Variants in ANKRD42 observed in about 807,000 individuals in gnomAD.
ANKRD42 encodes ankyrin repeat domain-containing protein 42.
A neutral mutation model predicts 51.5 loss-of-function variants in ANKRD42; 43 were observed. The observed-to-expected ratio is 0.83, with a 90% confidence interval of 0.65 to 1.08. The LOEUF (loss-of-function observed/expected upper bound fraction) is 1.08, where lower values mean the gene tolerates loss of function less well. Among genes scored for constraint, ANKRD42 ranks in the 50% least tolerant of loss-of-function variants. The pLI is 0.00. For missense variants in ANKRD42, 608 were observed against 629.3 expected (o/e 0.97, Z 0.36); for synonymous variants, 203 against 213.0 (o/e 0.95, Z 0.41).
At chr11:83,230,054 G>C (rs1226832139) in intron 7 of ANKRD42, among the ~76,000 whole-genome samples, 1 of 152,046 alleles carries the variant, frequency 6.6e-6, no homozygotes, top group Non-Finnish European at 1.5e-5. Context: ...ATTGACTATA[G>C]TCACCCTGTT....
At chr11:83,213,143 A>G (rs1285161428) in intron 5 of ANKRD42, 5 of 1,601,722 alleles carry the variant, frequency 3.1e-6, no homozygotes, top group African/African-American at 1.3e-5. Context: ...CAGGGTTCGT[A>G]GAAGGTTCAA....
chr11:83,206,467 A>G (rs1239451170), intron 3 of ANKRD42, among the ~76,000 whole-genome samples: 1 of 152,174 alleles, frequency 6.6e-6, no homozygotes, highest in Non-Finnish European at 1.5e-5. Context: ...TGTCCTCCAA[A>G]ATAAATATGT....
intron 1 of ANKRD42, among the ~76,000 whole-genome samples, chr11:83,196,398 A>AGT (rs145815586): frequency 0.077 from 9,633 of 124,712 alleles, 326 homozygotes; most frequent in Non-Finnish European, 0.086. Flanking sequence ...AGTGTGTGAG[A>AGT]GTGTGTGTGT....
At chr11:83,207,730 A>C (rs1862131621) in intron 3 of ANKRD42, among the ~76,000 whole-genome samples, 1 of 152,260 alleles carries the variant, frequency 6.6e-6, no homozygotes, top group South Asian at 2.1e-4. Flanking sequence ...TTGCCTAAGC[A>C]AGTGACAGAG....
chr11:83,196,207 G>A (rs606381), intron 1 of ANKRD42, among the ~76,000 whole-genome samples: 45,796 of 152,048 alleles, frequency 0.3, 7,878 homozygotes, highest in East Asian at 0.57. Context: ...CCTGAATTTA[G>A]CCTTGTAAAC....
chr11:83,230,225 G>A (rs1329890451), intron 7 of ANKRD42, among the ~76,000 whole-genome samples: 7 of 152,080 alleles, frequency 4.6e-5, no homozygotes, highest in South Asian at 2.1e-4. Context: ...CTAATTTTTT[G>A]TATTGTTTGT....
At chr11:83,223,734 A>T (rs779803326) in intron 5 of ANKRD42, among the ~76,000 whole-genome samples, 4 of 152,138 alleles carry the variant, frequency 2.6e-5, no homozygotes, top group Non-Finnish European at 5.9e-5. Context: ...GGATAGATTG[A>T]TATGTGCCAG....
chr11:83,247,771 C>G (rs1863586032), intron 10 of ANKRD42, among the ~76,000 whole-genome samples, 172 bp from the exon 11 acceptor site: 1 of 152,092 alleles, frequency 6.6e-6, no homozygotes, highest in South Asian at 2.1e-4. Context: ...CCACTGTATC[C>G]CCAATACCTA....
At chr11:83,218,839 G>A (rs1186125817) in intron 5 of ANKRD42, among the ~76,000 whole-genome samples, 1 of 152,150 alleles carries the variant, frequency 6.6e-6, no homozygotes, top group East Asian at 1.9e-4. Context: ...GTCACGAAGG[G>A]CAAAGAAAGC....
At chr11:83,255,507 A>C (rs1863753647) in intron 11 of ANKRD42, among the ~76,000 whole-genome samples, 1 of 152,206 alleles carries the variant, frequency 6.6e-6, no homozygotes, top group Admixed American at 6.5e-5. Flanking sequence ...TATGTTGTTA[A>C]ATATTAGTGT....
At position 83,194,604 on chromosome 11, in the gene ANKRD42, A is replaced by G. The variant is rs1225965603; in HGVS notation, c.-67A>G. 1 of 1,526,434 alleles carries G rather than the reference A, an allele frequency of 6.6e-7. No individual in the cohort carries two copies. The highest frequency in any genetic ancestry group is 9.0e-7 in the Non-Finnish European group (1 of 1,109,380). 94.6% of individuals were successfully genotyped at this position (1,526,434 alleles called of 1,614,324 possible). A position where few individuals can be genotyped will look rare whatever the true frequency, so the allele number is the denominator to read the frequency against. ...GCTGCAGTGGCTCGTGGGTGAGAGC[A>G]AGTGAAGACCGCCGCAGCATCAGGG... On this transcript the variant is annotated 5_prime_UTR_variant, in exon 1 of 11. Transcript: ENST00000533342.
rs1861527653 is a variant in ANKRD42, at chr11:83,194,141, C to T, written c.-530C>T. 4.4e-6 allele frequency: 2 copies of T among 456,792 alleles called. No individual in the cohort carries two copies. Among genetic ancestry groups the T allele is most frequent in the Non-Finnish European group, 8.8e-6 (2 of 226,980 alleles). The allele number at this position is 456,792 out of a possible 1,614,324, so 28.3% of individuals were successfully genotyped here. A position where few individuals can be genotyped will look rare whatever the true frequency, so the allele number is the denominator to read the frequency against. ...TGGGAGAGAGTTAGGGGAGACAGCA[C>T]CTTCTGCAGCAGCGACGTGAATTTT... On this transcript the variant is annotated 5_prime_UTR_variant, in exon 1 of 11. Transcript: ENST00000533342.
chr11:83,223,311 G>A (rs560780535), intron 5 of ANKRD42, among the ~76,000 whole-genome samples: 87 of 152,296 alleles, frequency 5.7e-4, no homozygotes, highest in Middle Eastern at 3.4e-3. Context: ...TTGAGGGTGC[G>A]GTAGTGGCAT....
Position 83,209,072 on chromosome 11 carries a change from A to T in ANKRD42, c.331-1228A>T, listed in dbSNP as rs531306441. 5.3e-5 allele frequency among the ~76,000 whole-genome samples: 8 copies of T among 152,344 alleles called. No homozygotes were observed. In the South Asian group the frequency reaches 1.7e-3, roughly 32 times the overall value. On this transcript the variant is annotated intron_variant, in intron 3 of 10. Coordinates refer to ENST00000533342, the MANE Select transcript of ANKRD42 (RefSeq NM_001300975.2). ...TTAGAAACTTGATTTGGAGCTTAGA[A>T]CTAGTCACTTTAATAATTAATTATT...
intron 2 of ANKRD42, among the ~76,000 whole-genome samples, chr11:83,203,866 G>A (rs1157131121): frequency 6.6e-6 from 1 of 151,992 alleles, no homozygotes; most frequent in Non-Finnish European, 1.5e-5. Flanking sequence ...ATCTGCTATT[G>A]AGCTCCTAGT....
chr11:83,248,260 T>G lies in ANKRD42; in HGVS notation c.*56T>G. On this transcript the variant is annotated 3_prime_UTR_variant, in exon 11 of 11. Transcript: ENST00000533342. Reference sequence around the variant, plus strand: ...TCAACTATAAACTGGAGATGATAACTTATACTTTCTAGAGCTGATGACAGG... The same window carrying G: ...TCAACTATAAACTGGAGATGATAACGTATACTTTCTAGAGCTGATGACAGG... The G allele has an allele frequency of 6.9e-7, 1 of 1,443,140 alleles. No individual in the cohort carries two copies. Among genetic ancestry groups the G allele is most frequent in the Non-Finnish European group, 9.1e-7 (1 of 1,104,054 alleles). 89.4% of individuals were successfully genotyped at this position (1,443,140 alleles called of 1,614,324 possible).
intron 5 of ANKRD42, among the ~76,000 whole-genome samples, chr11:83,221,103 G>A (rs1862706146): frequency 2.0e-5 from 3 of 151,322 alleles, no homozygotes; most frequent in Admixed American, 2.0e-4. Flanking sequence ...CCTATGACTG[G>A]GTATTTTCAA....
rs1209096312 is a variant in ANKRD42, at chr11:83,226,685, A to G, written c.788-1062A>G. On this transcript the variant is annotated intron_variant, in intron 6 of 10. Transcript: ENST00000533342. The stretch of plus-strand genomic sequence containing the variant: ...CAGCAAGAGTAGGGCATGATGGTGC[A>G]TCCCTGTAATCCTAGCTACCCGGGA... Among the ~76,000 whole-genome samples the G allele has an allele frequency of 4.6e-5, 7 of 152,280 alleles. No individual in the cohort carries two copies. The East Asian group carries it at 1.4e-3, about 29-fold the overall frequency.
At chr11:83,255,871 C>G in exon 12 of ANKRD42, 3 of 1,532,728 alleles carry the variant, frequency 2.0e-6, no homozygotes, top group South Asian at 1.2e-5. Context: ...GTGAGTCAAA[C>G]AAAGAGAAGA....
Sources: allele counts gnomAD v4.1 joint callset (sites outside exome capture counted in the v4.1 genomes callset), GRCh38; gene constraint gnomAD v4.1.1; transcripts MANE v1.5; gene names NCBI Gene and HGNC (gene_info 2026-07-23, HGNC 2026-07-21).